Variants in SP110 observed in about 807,000 individuals in gnomAD.
The protein encoded by SP110 is SP110 nuclear body protein, also known as interferon-induced protein 41, 30kD.
SP110 carries 62 observed loss-of-function variants against 92.7 expected under a neutral mutation model. The ratio of observed to expected loss-of-function variants is 0.67; its 90% CI spans 0.55 to 0.83. The LOEUF (loss-of-function observed/expected upper bound fraction) is 0.83. Ranked by LOEUF, SP110 falls within the 40% of genes least tolerant of loss-of-function variation. SP110 has a pLI of 0.00. For missense variants in SP110, 793 were observed against 863.9 expected (o/e 0.92, Z 1.03); for synonymous variants, 273 against 305.3 (o/e 0.89, Z 1.10).
In SP110 at chr2:230,166,363, G is replaced by A. The variant is rs1406402797; in HGVS notation, c.*2761C>T. 2.0e-5 allele frequency among the ~76,000 whole-genome samples: 3 copies of A among 152,100 alleles called. No individual in the cohort carries two copies. Among genetic ancestry groups the A allele is most frequent in the Non-Finnish European group, 1.5e-5 (1 of 68,026 alleles). ...AGTGAACTCTGGGTCACACACTTTT[G>A]GTTAATTTAAAACACTATAAATTAT... On this transcript the variant is annotated 3_prime_UTR_variant, in exon 19 of 19. Coordinates refer to ENST00000258381, the MANE Select transcript of SP110 (RefSeq NM_080424.4).
In SP110 at chr2:230,219,892, G is replaced by T; in HGVS notation, c.-20C>A. 1 of 984,738 alleles carries T rather than the reference G, an allele frequency of 1.0e-6. No individual in the cohort carries two copies. Among genetic ancestry groups the T allele is most frequent in the South Asian group, 4.7e-5 (1 of 21,270 alleles). The allele number at this position is 984,738 out of a possible 1,614,324, so 61.0% of individuals were successfully genotyped here. A position where few individuals can be genotyped will look rare whatever the true frequency, so the allele number is the denominator to read the frequency against. ...AACTCACCTGGACTTTGAGTTTGTC[G>T]TTCCTGCCCCTTTCCAGGGGCTGGG... is the stretch of plus-strand genomic sequence containing the variant. On this transcript the variant is annotated 5_prime_UTR_variant, in exon 1 of 19. Coordinates refer to ENST00000258381, the MANE Select transcript of SP110 (RefSeq NM_080424.4).
intron 10 of SP110, among the ~76,000 whole-genome samples, chr2:230,198,593 A>G (rs2042983888): frequency 6.7e-6 from 1 of 149,232 alleles, no homozygotes; most frequent in Admixed American, 6.6e-5. Context: ...ATAAAATGAT[A>G]GAATTTTTTT....
At chr2:230,184,330 T>C (rs2042259613) in intron 11 of SP110, among the ~76,000 whole-genome samples, 1 of 152,126 alleles carries the variant, frequency 6.6e-6, no homozygotes, top group African/African-American at 2.4e-5. Context: ...GAGGAAGTAA[T>C]GGGCATAAAG....
chr2:230,218,456 T>C (rs6738805), intron 1 of SP110, among the ~76,000 whole-genome samples: 17,918 of 152,080 alleles, frequency 0.12, 1,185 homozygotes, highest in Middle Eastern at 0.2. Flanking sequence ...AGGAGAGAAA[T>C]CTACTATCCA....
chr2:230,184,127 T>C (rs2042250993), intron 11 of SP110, among the ~76,000 whole-genome samples: 1 of 152,228 alleles, frequency 6.6e-6, no homozygotes, highest in Non-Finnish European at 1.5e-5. Flanking sequence ...AGCAGGATGG[T>C]GCAAGACTTT....
intron 10 of SP110, 135 bp from the exon 11 acceptor site, chr2:230,186,278 C>T: frequency 1.3e-6 from 1 of 796,550 alleles, no homozygotes; most frequent in Non-Finnish European, 2.0e-6. Flanking sequence ...CCCCCAGACT[C>T]ATAATACTTC....
chr2:230,176,502 A>G, intron 14 of SP110: 1 of 1,525,030 alleles, frequency 6.6e-7, no homozygotes, highest in Non-Finnish European at 8.7e-7. Flanking sequence ...TTTATTTTAG[A>G]GTCATTTGCT....
intron 10 of SP110, among the ~76,000 whole-genome samples, chr2:230,198,286 A>C (rs979348874): frequency 6.6e-6 from 1 of 152,122 alleles, no homozygotes; most frequent in Non-Finnish European, 1.5e-5. Context: ...AGTGACACCC[A>C]TCTCTCTGGC....
chr2:230,174,245 T>C (rs1028480666), intron 14 of SP110: 11 of 152,232 alleles, frequency 7.2e-5, no homozygotes, highest in African/African-American at 1.7e-4. Flanking sequence ...AAAATAATTA[T>C]TGACCCTCTG....
At chr2:230,221,836 A>G (rs534011523), upstream of SP110, 220 of 1,033,668 alleles carry the variant, frequency 2.1e-4, no homozygotes, top group African/African-American at 2.8e-3. Context: ...AAAGTAAAGC[A>G]GGAGTGGGAA....
At chr2:230,169,626 CTCT>C (rs906949668) in intron 18 of SP110, among the ~76,000 whole-genome samples, 3 of 152,096 alleles carry the variant, frequency 2.0e-5, no homozygotes, top group African/African-American at 7.2e-5. Context: ...CCCAGCCTCA[CTCT>C]TATTTTTTTA....
intron 18 of SP110, 120 bp downstream of exon 18, chr2:230,170,501 C>A: frequency 1.6e-6 from 2 of 1,235,268 alleles, no homozygotes; most frequent in Middle Eastern, 1.9e-4. Flanking sequence ...TTCTGTAATC[C>A]TTGTCTTGTT....
Position 230,165,325 on chromosome 2 carries a change from G to C in SP110, c.*3799C>G, listed in dbSNP as rs1390407613. 6.6e-6 allele frequency among the ~76,000 whole-genome samples: 1 copy of C among 152,200 alleles called. No individual in the cohort carries two copies. The highest frequency in any genetic ancestry group is 2.4e-5 in the African/African-American group (1 of 41,428). On this transcript the variant is annotated 3_prime_UTR_variant, in exon 19 of 19. Coordinates refer to ENST00000258381, the MANE Select transcript of SP110 (RefSeq NM_080424.4). ...TCAAATTACTTAAAGACACACTTCA[G>C]TTGACTGAAAGGCAGAGCAAAAAGG...
intron 10 of SP110, among the ~76,000 whole-genome samples, chr2:230,194,118 G>A (rs1342375137): frequency 1.3e-5 from 2 of 152,094 alleles, no homozygotes; most frequent in African/African-American, 4.8e-5. Flanking sequence ...CCCCAAGATT[G>A]AGGCATGCTG....
At chr2:230,186,971 A>G (rs894647849) in intron 10 of SP110, among the ~76,000 whole-genome samples, 1 of 152,160 alleles carries the variant, frequency 6.6e-6, no homozygotes, top group Non-Finnish European at 1.5e-5. Context: ...ACATGTGTGT[A>G]GGTGTCTTCT....
intron 10 of SP110, among the ~76,000 whole-genome samples, chr2:230,189,913 T>C: frequency 6.6e-6 from 1 of 152,244 alleles, no homozygotes; most frequent in East Asian, 1.9e-4. Flanking sequence ...ATGATGTATA[T>C]GTACCACATA....
At chr2:230,207,898 A>G in intron 8 of SP110, 93 bp downstream of exon 8, 1 of 708,902 alleles carries the variant, frequency 1.4e-6, no homozygotes, top group Non-Finnish European at 2.6e-6. Context: ...TTCCCATTGC[A>G]TTTAGAATAA....
chr2:230,187,115 A>G lies in SP110; in HGVS notation c.1130-972T>C, dbSNP rs371621968. On this transcript the variant is annotated intron_variant, in intron 10 of 18. Transcript: ENST00000258381. ...AGAGGTTGTACTAATTTGCACTCCC[A>G]CCAGCAGTGTATAAACATTCCCTTT... Among the ~76,000 whole-genome samples, 501 of 152,262 alleles carry G rather than the reference A, an allele frequency of 3.3e-3. 3 individuals are homozygous for G. Among genetic ancestry groups the G allele is most frequent in the African/African-American group, 0.012 (479 of 41,548 alleles).
chr2:230,221,382 C>T (rs747246349), upstream of SP110, among the ~76,000 whole-genome samples: 28 of 152,148 alleles, frequency 1.8e-4, no homozygotes, highest in Non-Finnish European at 3.7e-4. Context: ...CCACAAACTC[C>T]TCAGATAAAA....
Sources: allele counts gnomAD v4.1 joint callset (sites outside exome capture counted in the v4.1 genomes callset), GRCh38; gene constraint gnomAD v4.1.1; transcripts MANE v1.5; gene names NCBI Gene and HGNC (gene_info 2026-07-23, HGNC 2026-07-21).